Variants in ROBO2 observed in about 807,000 individuals in gnomAD.
ROBO2 encodes the protein roundabout homolog 2.
In ROBO2, 53 loss-of-function variants were observed where a neutral mutation model predicts 160.8. The ratio of observed to expected loss-of-function variants is 0.33; its 90% CI spans 0.26 to 0.41. ROBO2 has a LOEUF of 0.41. Ranked by LOEUF, ROBO2 falls within the 10% of genes least tolerant of loss-of-function variation. The pLI, the probability that ROBO2 is intolerant of heterozygous loss-of-function variation, is 1.00. For synonymous variants in ROBO2, 664 were observed against 611.7 expected, an observed-to-expected ratio of 1.09 and a Z score of -1.26; for missense variants, 1,577 against 1,722.4, an observed-to-expected ratio of 0.92 and a Z score of 1.49.
At chr3:75,932,506 T>C (rs1947588940) in intron 1 of ROBO2, among the ~76,000 whole-genome samples, 1 of 152,214 alleles carries the variant, frequency 6.6e-6, no homozygotes, top group Non-Finnish European at 1.5e-5. Flanking sequence ...TCTGCAGAAG[T>C]TGTGATACAA....
chr3:77,244,554 A>T (rs1234690362), intron 2 of ROBO2, among the ~76,000 whole-genome samples: 1 of 152,196 alleles, frequency 6.6e-6, no homozygotes, highest in African/African-American at 2.4e-5. Context: ...TCCTACCCTT[A>T]GTTCCAGATA....
chr3:77,346,144 A>G (rs1246996307), intron 2 of ROBO2, among the ~76,000 whole-genome samples: 2 of 152,188 alleles, frequency 1.3e-5, no homozygotes, highest in African/African-American at 2.4e-5. Context: ...AGTAGTTTAC[A>G]TGACTAAACA....
intron 2 of ROBO2, among the ~76,000 whole-genome samples, chr3:76,846,559 A>G (rs2068789002): frequency 6.6e-6 from 1 of 152,104 alleles, no homozygotes; most frequent in African/African-American, 2.4e-5. Flanking sequence ...TACTATTAAC[A>G]CTGATGGGTA....
chr3:76,709,853 A>G (rs1369949528), intron 2 of ROBO2, among the ~76,000 whole-genome samples: 2 of 152,192 alleles, frequency 1.3e-5, no homozygotes, highest in East Asian at 3.9e-4. Flanking sequence ...GTTAGAGGCC[A>G]CACTGTCTAT....
intron 7 of ROBO2, among the ~76,000 whole-genome samples, chr3:77,549,683 G>A (rs2092840208): frequency 6.6e-6 from 1 of 151,920 alleles, no homozygotes; most frequent in Non-Finnish European, 1.5e-5. Context: ...TCATTTGCAG[G>A]ATTAAAGTCA....
At chr3:76,225,196 A>C (rs767577065) in intron 2 of ROBO2, among the ~76,000 whole-genome samples, 4 of 152,174 alleles carry the variant, frequency 2.6e-5, no homozygotes, top group Non-Finnish European at 5.9e-5. Context: ...GGGGCTGTAC[A>C]TTCCCCACAG....
chr3:77,180,817 T>C (rs115699261), intron 2 of ROBO2, among the ~76,000 whole-genome samples: 1 of 152,046 alleles, frequency 6.6e-6, no homozygotes, highest in Non-Finnish European at 1.5e-5. Flanking sequence ...AAAATATTAA[T>C]GTATAGTTTT....
rs372900980 is a variant in ROBO2 at position 77,510,528 on chromosome 3, G to A, written c.807-12247G>A. The stretch of plus-strand genomic sequence containing the variant: ...AGATGGAGACAATAATATCACTGGA[G>A]GAGGTTATAAGAATGAAGTGAGTTC... On this transcript the variant is annotated intron_variant, in intron 5 of 25. Transcript: ENST00000461745. Among the ~76,000 whole-genome samples the A allele has an allele frequency of 1.6e-4, 25 of 152,094 alleles. No homozygotes were observed. In the East Asian group the frequency reaches 3.9e-3, roughly 24 times the overall value.
At chr3:77,180,388 T>TTCTCTCTCTCTCTCTC (rs369947015) in intron 2 of ROBO2, among the ~76,000 whole-genome samples, 20 of 99,438 alleles carry the variant, frequency 2.0e-4, no homozygotes, top group South Asian at 3.6e-4. Context: ...ACCTTTTGAA[T>TTCTCTCTCTCTCTCTC]TCTCTCTCTC....
chr3:76,462,028 A>G (rs1057274787), intron 2 of ROBO2, among the ~76,000 whole-genome samples: 2 of 152,056 alleles, frequency 1.3e-5, no homozygotes, highest in Non-Finnish European at 2.9e-5. Flanking sequence ...AACAACCTCA[A>G]TCACATCTAA....
chr3:76,701,848 TAAA>T (rs34039752), intron 2 of ROBO2, among the ~76,000 whole-genome samples: 48,606 of 143,290 alleles, frequency 0.34, 8,880 homozygotes, highest in East Asian at 0.53. Flanking sequence ...TGTAGCAGTC[TAAA>T]AAAAAAAAAA....
intron 2 of ROBO2, among the ~76,000 whole-genome samples, chr3:77,450,420 TCTAGAGATAATAATCCCTTGAAAAGTGAA>T (rs1317194322): frequency 6.6e-6 from 1 of 152,054 alleles, no homozygotes; most frequent in African/African-American, 2.4e-5. Context: ...GAAATGTACA[TCTAGAGATAATAATCCCTTGAAAAGTGAA>T]CTAGAGATAA....
intron 2 of ROBO2, among the ~76,000 whole-genome samples, chr3:76,267,387 A>G (rs1017433828): frequency 6.6e-6 from 1 of 152,128 alleles, no homozygotes; most frequent in Non-Finnish European, 1.5e-5. Context: ...TTGGGCCCTT[A>G]TTACATTTCA....
chr3:76,075,268 G>A (rs2068608749), intron 2 of ROBO2, among the ~76,000 whole-genome samples: 1 of 151,792 alleles, frequency 6.6e-6, no homozygotes, highest in African/African-American at 2.4e-5. Context: ...GTGGCCAGGG[G>A]AGGATGAACG....
At chr3:76,339,129 T>C (rs1398927732) in intron 2 of ROBO2, among the ~76,000 whole-genome samples, 1 of 152,186 alleles carries the variant, frequency 6.6e-6, no homozygotes, top group Non-Finnish European at 1.5e-5. Flanking sequence ...TTTAAACTTA[T>C]CTAAATATTT....
intron 2 of ROBO2, among the ~76,000 whole-genome samples, chr3:76,010,657 T>C (rs2066167183): frequency 6.6e-6 from 1 of 152,214 alleles, no homozygotes; most frequent in Non-Finnish European, 1.5e-5. Context: ...GTCCACATAA[T>C]TTTTTTCTTT....
At chr3:76,655,870 TTAAAAA>T (rs2091497265) in intron 2 of ROBO2, among the ~76,000 whole-genome samples, 1 of 151,942 alleles carries the variant, frequency 6.6e-6, no homozygotes, top group Non-Finnish European at 1.5e-5. Flanking sequence ...CACAAAGTTC[TTAAAAA>T]TAAAAATACA....
intron 2 of ROBO2, among the ~76,000 whole-genome samples, chr3:76,710,073 A>C (rs1221962425): frequency 1.3e-5 from 2 of 152,038 alleles, no homozygotes; most frequent in Non-Finnish European, 2.9e-5. Context: ...GGACTAAGGA[A>C]AGTGGCTGAG....
chr3:76,453,963 T>G (rs17014219), intron 2 of ROBO2, among the ~76,000 whole-genome samples: 7,052 of 152,158 alleles, frequency 0.046, 498 homozygotes, highest in African/African-American at 0.15. Flanking sequence ...AGAAAGTGCA[T>G]GAGTACCTGT....
Sources: gnomAD v4.1 joint callset for allele counts (sites outside exome capture counted in the v4.1 genomes callset) on GRCh38, gnomAD v4.1.1 for gene constraint, MANE v1.5 for transcripts, NCBI Gene and HGNC (gene_info 2026-07-23, HGNC 2026-07-21) for gene names.